PLXNA2: variants seen among roughly 807,000 people sequenced by gnomAD.
PLXNA2 encodes plexin A2.
A neutral mutation model predicts 193.5 loss-of-function variants in PLXNA2; 91 were observed. The observed-to-expected ratio is 0.47, with a 90% CI of 0.40 to 0.56. The LOEUF is 0.56. Ranked by LOEUF, PLXNA2 falls within the 20% of genes least tolerant of loss-of-function variation. The probability of loss-of-function intolerance (pLI) is 0.00; values close to 1 mark genes in which losing one functional copy is unlikely to be tolerated. For missense variants in PLXNA2, 1,995 were observed against 2,503.2 expected (o/e 0.80, Z 4.33); for synonymous variants, 997 against 1,027.3 (o/e 0.97, Z 0.56).
At chr1:208,213,352 T>C (rs1416809559) in intron 2 of PLXNA2, among the ~76,000 whole-genome samples, 5 of 152,234 alleles carry the variant, frequency 3.3e-5, no homozygotes, top group Admixed American at 2.6e-4. Context: ...AGAGAGAGAC[T>C]GGACTAAGAA....
intron 4 of PLXNA2, 108 bp from the exon 5 acceptor site, chr1:208,103,355 AGAG>A (rs1667160432): frequency 1.2e-6 from 1 of 812,948 alleles, no homozygotes; most frequent in African/African-American, 1.7e-5. Context: ...ACTCCCCTAA[AGAG>A]GTGATACTGG....
chr1:208,067,905 G>C, intron 12 of PLXNA2, among the ~76,000 whole-genome samples: 1 of 152,116 alleles, frequency 6.6e-6, no homozygotes, highest in East Asian at 1.9e-4. Flanking sequence ...TTGACATGCT[G>C]TTCCCTGTGC....
rs567563733 is a variant in PLXNA2, at chr1:208,192,649, G to T, written c.1371+17631C>A. Among the ~76,000 whole-genome samples, 10 of 152,224 alleles carry T rather than the reference G, an allele frequency of 6.6e-5. No homozygotes were observed. In the East Asian group the frequency reaches 1.9e-3, roughly 29 times the overall value. ...TGCCTGTAATCCCAGCACTTTGGGA[G>T]GCCAAGGTGGGCAGATCACTTAAGG... On this transcript the variant is annotated intron_variant, in intron 3 of 31. Transcript: ENST00000367033.
rs6659522 is a variant in PLXNA2, at chr1:208,025,755, T to A, written c.*1488A>T. 0.54 allele frequency: 82,708 copies of A among 152,090 alleles called. 23,389 individuals carry two copies. The highest frequency in any genetic ancestry group is 0.59 in the Non-Finnish European group (40,220 of 68,008). 9.4% of individuals were successfully genotyped at this position (152,090 alleles called of 1,614,324 possible). On this transcript the variant is annotated 3_prime_UTR_variant, in exon 32 of 32. Transcript: ENST00000367033. ...GGAGCTTTGGTCTCTTTGTTTGGAATCTACACTCAGGAGAATTGGTTATCC... is the reference window on the plus strand; with the variant it reads ...GGAGCTTTGGTCTCTTTGTTTGGAAACTACACTCAGGAGAATTGGTTATCC...
chr1:208,107,875 G>A (rs928599981), intron 4 of PLXNA2, among the ~76,000 whole-genome samples: 2 of 152,008 alleles, frequency 1.3e-5, no homozygotes, highest in African/African-American at 4.8e-5. Context: ...CCCAGGACCC[G>A]CAGTGCTGCT....
At chr1:208,163,140 G>A (rs552497326) in intron 3 of PLXNA2, among the ~76,000 whole-genome samples, 1 of 152,278 alleles carries the variant, frequency 6.6e-6, no homozygotes, top group South Asian at 2.1e-4. Flanking sequence ...GGGAGGGATT[G>A]GCAAAGCTGG....
intron 1 of PLXNA2, among the ~76,000 whole-genome samples, chr1:208,232,844 G>A (rs969194400): frequency 6.6e-6 from 1 of 152,018 alleles, no homozygotes; most frequent in African/African-American, 2.4e-5. Context: ...ACTTACTTTG[G>A]AATTCAATTG....
chr1:208,088,189 G>C (rs1666589760), intron 9 of PLXNA2, among the ~76,000 whole-genome samples: 1 of 152,158 alleles, frequency 6.6e-6, no homozygotes, highest in South Asian at 2.1e-4. Context: ...AATACCCCAG[G>C]GGTGGCGGTA....
At chr1:208,053,626 C>T (rs1665334492) in intron 14 of PLXNA2, among the ~76,000 whole-genome samples, 1 of 152,206 alleles carries the variant, frequency 6.6e-6, no homozygotes, top group Non-Finnish European at 1.5e-5. Context: ...GGTTTGACCC[C>T]ATCTGCTAGT....
chr1:208,190,857 C>T (rs1670156738), intron 3 of PLXNA2, among the ~76,000 whole-genome samples: 2 of 152,190 alleles, frequency 1.3e-5, no homozygotes, highest in Admixed American at 6.5e-5. Context: ...TGAATGAACA[C>T]TCTAATAATG....
chr1:208,100,993 C>T (rs1667077327), intron 5 of PLXNA2, among the ~76,000 whole-genome samples: 1 of 152,236 alleles, frequency 6.6e-6, no homozygotes, highest in African/African-American at 2.4e-5. Context: ...AAACTCCTCC[C>T]CCTCTTCCTT....
chr1:208,077,778 A>T (rs1019082544), intron 12 of PLXNA2, among the ~76,000 whole-genome samples: 1 of 152,172 alleles, frequency 6.6e-6, no homozygotes, highest in Non-Finnish European at 1.5e-5. Context: ...GAAAGTCAGG[A>T]GGCACCATCC....
chr1:208,051,353 C>T lies in PLXNA2; in HGVS notation c.3064G>A (p.Val1022Met). ...TCCACATGGGCTCGGTCGACACTCA[C>T]AGAAACAGGGACCGGGCCAAGGCCA... ...SNGLGPVPVSVSVDRAHVDSN... is the reference protein window; with the variant it reads ...SNGLGPVPVSMSVDRAHVDSN... The change falls in exon 16 of 32, where the codon GTG becomes ATG. Residue 1022 changes from valine (V) to methionine (M), a missense_variant. By Grantham distance (21) the Val-to-Met change is conservative. Around this residue, in one of 3 missense-constraint regions of PLXNA2, gnomAD observed 1,291 missense variants for 1,673.6 expected, o/e 0.77. Coordinates refer to ENST00000367033, the MANE Select transcript of PLXNA2 (RefSeq NM_025179.4). 6.2e-7 allele frequency: 1 copy of T among 1,613,666 alleles called. No individual in the cohort carries two copies. The highest frequency in any genetic ancestry group is 8.5e-7 in the Non-Finnish European group (1 of 1,179,892).
At chr1:208,083,702 G>C (rs780889771) in intron 10 of PLXNA2, among the ~76,000 whole-genome samples, 18 of 152,054 alleles carry the variant, frequency 1.2e-4, no homozygotes, top group Admixed American at 2.0e-4. Context: ...GGAGCTGGCA[G>C]ATAAAAAGAT....
At chr1:208,041,093 T>G (rs2102316689) in intron 22 of PLXNA2, among the ~76,000 whole-genome samples, 1 of 152,300 alleles carries the variant, frequency 6.6e-6, no homozygotes, top group Middle Eastern at 3.4e-3. Context: ...CCCAGCACCC[T>G]CTCCCTGCAT....
At chr1:208,159,211 A>G (rs556308902) in intron 3 of PLXNA2, among the ~76,000 whole-genome samples, 1 of 152,346 alleles carries the variant, frequency 6.6e-6, no homozygotes, top group Non-Finnish European at 1.5e-5. Context: ...CTCCCAGCCA[A>G]TGTTGTCCTT....
At chr1:208,206,159 C>T (rs562740113) in intron 3 of PLXNA2, among the ~76,000 whole-genome samples, 2 of 152,298 alleles carry the variant, frequency 1.3e-5, no homozygotes, top group Non-Finnish European at 2.9e-5. Flanking sequence ...GTTCTATGTC[C>T]TGCTTTATTC....
chr1:208,216,702 A>G (rs978113685), intron 2 of PLXNA2, 33 bp downstream of exon 2: 1 of 1,585,756 alleles, frequency 6.3e-7, no homozygotes, highest in Non-Finnish European at 8.6e-7. Flanking sequence ...TGTGTCATGG[A>G]GCAGGAGCAG....
At chr1:208,081,287 G>C (rs934214624) in intron 11 of PLXNA2, among the ~76,000 whole-genome samples, 9 of 152,212 alleles carry the variant, frequency 5.9e-5, no homozygotes, top group African/African-American at 2.2e-4. Flanking sequence ...TGATTTTAAT[G>C]GCAGCATTTG....
Sources: allele counts gnomAD v4.1 joint callset (sites outside exome capture counted in the v4.1 genomes callset), GRCh38; gene constraint gnomAD v4.1.1; regional missense constraint gnomAD v4.1.1; transcripts MANE v1.5; gene names NCBI Gene and HGNC (gene_info 2026-07-23, HGNC 2026-07-21).